Variants in ERBB4 observed in about 807,000 individuals in gnomAD.
ERBB4 encodes erb-b2 receptor tyrosine kinase 4.
A neutral mutation model predicts 158.0 loss-of-function variants in ERBB4; 42 were observed. That is an observed-to-expected ratio of 0.27 (90% CI 0.21 to 0.34). The LOEUF (loss-of-function observed/expected upper bound fraction) is 0.34, where lower values mean the gene tolerates loss of function less well. Ranked by LOEUF, ERBB4 falls within the 10% of genes least tolerant of loss-of-function variation. The pLI is 1.00. For synonymous variants in ERBB4, 583 were observed against 558.7 expected (o/e 1.04, Z -0.61); for missense variants, 1,333 against 1,624.1 (o/e 0.82, Z 3.08).
At chr2:211,816,354 A>G (rs543583539) in intron 3 of ERBB4, among the ~76,000 whole-genome samples, 5 of 152,016 alleles carry the variant, frequency 3.3e-5, no homozygotes, top group African/African-American at 4.8e-5. Context: ...CAGCCTGGGC[A>G]ACATGATGAA....
chr2:211,677,121 A>G (rs910414039), intron 13 of ERBB4, among the ~76,000 whole-genome samples: 2 of 152,198 alleles, frequency 1.3e-5, no homozygotes, highest in African/African-American at 4.8e-5. Flanking sequence ...TGCAAAGAAG[A>G]GACATGTCAA....
intron 1 of ERBB4, among the ~76,000 whole-genome samples, chr2:212,516,974 G>C (rs1691882804): frequency 6.6e-6 from 1 of 152,094 alleles, no homozygotes; most frequent in Non-Finnish European, 1.5e-5. Context: ...ATTTCAAAGT[G>C]AGATAACTCT....
chr2:212,043,305 C>A (rs1171465782), intron 2 of ERBB4, among the ~76,000 whole-genome samples: 2 of 152,010 alleles, frequency 1.3e-5, no homozygotes, highest in Non-Finnish European at 2.9e-5. Context: ...GTTTATTTTG[C>A]CTCAGGTCAA....
chr2:211,747,007 T>C (rs573918458), intron 5 of ERBB4, among the ~76,000 whole-genome samples: 18 of 152,274 alleles, frequency 1.2e-4, no homozygotes, highest in Non-Finnish European at 2.4e-4. Context: ...CTTTATTCTT[T>C]AGTGACTTTG....
chr2:211,560,045 C>A (rs1281471655), intron 20 of ERBB4, among the ~76,000 whole-genome samples: 1 of 152,044 alleles, frequency 6.6e-6, no homozygotes, highest in East Asian at 1.9e-4. Flanking sequence ...GCAGCATGAA[C>A]CAAGAAGCCA....
chr2:211,685,283 T>G (rs1400548748), intron 12 of ERBB4, among the ~76,000 whole-genome samples: 1 of 152,220 alleles, frequency 6.6e-6, no homozygotes, highest in African/African-American at 2.4e-5. Flanking sequence ...TCTCATGACC[T>G]GTTTTGAAAG....
intron 14 of ERBB4, among the ~76,000 whole-genome samples, chr2:211,669,999 A>G (rs911797387): frequency 5.3e-5 from 8 of 152,202 alleles, no homozygotes; most frequent in Admixed American, 2.6e-4. Flanking sequence ...CATTGGGGAA[A>G]TATTCATAGA....
At position 211,490,473 on chromosome 2, in the gene ERBB4, G is replaced by A. The variant is rs545089294; in HGVS notation, c.2488-59373C>T. Among the ~76,000 whole-genome samples, 31 of 151,856 alleles carry A rather than the reference G, an allele frequency of 2.0e-4. 1 individual carries two copies. Among genetic ancestry groups the A allele is most frequent in the Non-Finnish European group, 2.9e-5 (2 of 67,944 alleles). ...ACGTATTTCACTAGTGGTAATTCAAGGTATTTCACTAGTAGTAAAAATTCA... is the reference window on the plus strand; with the variant it reads ...ACGTATTTCACTAGTGGTAATTCAAAGTATTTCACTAGTAGTAAAAATTCA... On this transcript the variant is annotated intron_variant, in intron 20 of 27. Transcript: ENST00000342788.
intron 3 of ERBB4, among the ~76,000 whole-genome samples, chr2:211,839,247 AAAAG>A (rs34276022): frequency 3.6e-4 from 55 of 151,728 alleles, no homozygotes; most frequent in African/African-American, 1.0e-3. Flanking sequence ...AAAAGAAAAG[AAAAG>A]AAAGAAAGAA....
intron 2 of ERBB4, among the ~76,000 whole-genome samples, chr2:212,053,493 C>A (rs1160670505): frequency 6.6e-6 from 1 of 152,160 alleles, no homozygotes; most frequent in African/African-American, 2.4e-5. Context: ...CTTTACTGAT[C>A]TGGCTGCCTC....
intron 13 of ERBB4, among the ~76,000 whole-genome samples, chr2:211,675,675 A>G (rs2105946430): frequency 6.6e-6 from 1 of 150,812 alleles, no homozygotes; most frequent in African/African-American, 2.4e-5. Context: ...ATCAGCCAGT[A>G]ATTGACTGAT....
intron 4 of ERBB4, among the ~76,000 whole-genome samples, chr2:211,782,970 G>A (rs1295977715): frequency 6.6e-6 from 1 of 152,114 alleles, no homozygotes; most frequent in Non-Finnish European, 1.5e-5. Context: ...GGGCAGTATG[G>A]CCATTTTCAT....
At chr2:211,896,127 A>G (rs1330209678) in intron 3 of ERBB4, among the ~76,000 whole-genome samples, 1 of 152,178 alleles carries the variant, frequency 6.6e-6, no homozygotes, top group Non-Finnish European at 1.5e-5. Context: ...CAGTGCACAC[A>G]GTTGACAAAA....
At chr2:212,351,777 C>T (rs750099012) in intron 1 of ERBB4, among the ~76,000 whole-genome samples, 1 of 152,098 alleles carries the variant, frequency 6.6e-6, no homozygotes, top group Non-Finnish European at 1.5e-5. Flanking sequence ...GTATAAACAT[C>T]TTCGTTGCTA....
intron 2 of ERBB4, among the ~76,000 whole-genome samples, chr2:212,042,011 GC>G (rs754987576): frequency 6.6e-5 from 10 of 151,920 alleles, no homozygotes; most frequent in Non-Finnish European, 1.5e-4. Flanking sequence ...GTTCCTCTTT[GC>G]CAAGAGGTTG....
rs2075791289 is a variant in ERBB4 at position 211,773,638 on chromosome 2, ATATATATAT to A, written c.556+14378_556+14386del. ...TATATATATATATATATATATATAT[ATATATATAT>A]AATATATATACACACACACACACTT... is the stretch of plus-strand genomic sequence containing the variant. On this transcript the variant is annotated intron_variant, in intron 4 of 27. Transcript: ENST00000342788. Among the ~76,000 whole-genome samples, 5 of 89,646 alleles carry A rather than the reference ATATATATAT, an allele frequency of 5.6e-5. No individual in the cohort carries two copies. The South Asian group carries it at 2.5e-3, about 45-fold the overall frequency. 58.8% of individuals were successfully genotyped at this position (89,646 alleles called of 152,430 possible). A position where few individuals can be genotyped will look rare whatever the true frequency, so the allele number is the denominator to read the frequency against.
At chr2:212,349,232 T>C in intron 1 of ERBB4, among the ~76,000 whole-genome samples, 1 of 151,932 alleles carries the variant, frequency 6.6e-6, no homozygotes, top group East Asian at 1.9e-4. Flanking sequence ...ATGTGGTATC[T>C]AAATTCAAAT....
intron 12 of ERBB4, among the ~76,000 whole-genome samples, chr2:211,700,248 G>C (rs930607773): frequency 6.6e-6 from 1 of 151,980 alleles, no homozygotes; most frequent in Non-Finnish European, 1.5e-5. Flanking sequence ...TGTGATATGG[G>C]GTAAGAAGCT....
intron 1 of ERBB4, among the ~76,000 whole-genome samples, chr2:212,466,616 C>T (rs1251475569): frequency 6.6e-6 from 1 of 152,218 alleles, no homozygotes; most frequent in Admixed American, 6.5e-5. Context: ...GAGGCCTCCA[C>T]AGCCATGTGG....
Sources: gnomAD v4.1 joint callset for allele counts (sites outside exome capture counted in the v4.1 genomes callset) on GRCh38, gnomAD v4.1.1 for gene constraint, MANE v1.5 for transcripts, NCBI Gene and HGNC (gene_info 2026-07-23, HGNC 2026-07-21) for gene names.